SCAPER: variants seen among roughly 807,000 people sequenced by gnomAD.
SCAPER encodes S phase cyclin A-associated protein in the endoplasmic reticulum.
In SCAPER, 98 loss-of-function variants were observed where a neutral mutation model predicts 182.2. The observed-to-expected ratio is 0.54, with a 90% CI of 0.46 to 0.64. SCAPER has a LOEUF of 0.64. SCAPER is among the 30% of genes least tolerant of loss of function. SCAPER has a pLI of 0.00. For synonymous variants in SCAPER, 605 were observed against 564.6 expected (o/e 1.07, Z -1.01); for missense variants, 1,432 against 1,690.0 (o/e 0.85, Z 2.68).
At chr15:76,657,428 G>T (rs2055742604) in intron 21 of SCAPER, among the ~76,000 whole-genome samples, 2 of 151,728 alleles carry the variant, frequency 1.3e-5, no homozygotes, top group Non-Finnish European at 2.9e-5. Context: ...ACCAGAAAAA[G>T]CCCAGGACCA....
chr15:76,399,073 C>T (rs2044276293), intron 27 of SCAPER, among the ~76,000 whole-genome samples: 1 of 152,166 alleles, frequency 6.6e-6, no homozygotes, highest in African/African-American at 2.4e-5. Context: ...ATTTGAAAAC[C>T]ATTGTTTTCT....
intron 17 of SCAPER, among the ~76,000 whole-genome samples, chr15:76,709,427 C>A (rs1480407801): frequency 1.3e-5 from 2 of 152,182 alleles, no homozygotes; most frequent in African/African-American, 4.8e-5. Flanking sequence ...AGCCACCGCA[C>A]TCTGCCAAGA....
At chr15:76,757,462 AC>A (rs2062515190) in intron 14 of SCAPER, among the ~76,000 whole-genome samples, 3 of 151,908 alleles carry the variant, frequency 2.0e-5, no homozygotes, top group Admixed American at 2.0e-4. Context: ...ATATACACAC[AC>A]ACACACACAC....
chr15:76,611,415 G>A (rs533775678), intron 22 of SCAPER, among the ~76,000 whole-genome samples: 25 of 152,174 alleles, frequency 1.6e-4, no homozygotes, highest in African/African-American at 2.6e-4. Flanking sequence ...CCAATAATGA[G>A]TTCTGAAATT....
At chr15:76,557,999 C>A (rs1156323002) in intron 23 of SCAPER, among the ~76,000 whole-genome samples, 1 of 152,104 alleles carries the variant, frequency 6.6e-6, no homozygotes, top group Non-Finnish European at 1.5e-5. Flanking sequence ...AAAATCAATT[C>A]AAAATGGATT....
At chr15:76,404,431 C>A in intron 27 of SCAPER, 93 bp downstream of exon 27, 1 of 1,238,486 alleles carries the variant, frequency 8.1e-7, no homozygotes, top group Non-Finnish European at 1.1e-6. Context: ...CCAAGATGAC[C>A]ACTTGAATTC....
At chr15:76,722,369 G>A (rs1598371433) in intron 17 of SCAPER, among the ~76,000 whole-genome samples, 2 of 152,194 alleles carry the variant, frequency 1.3e-5, no homozygotes, top group South Asian at 2.1e-4. Flanking sequence ...GTTCATCAAG[G>A]ATATTGGTCT....
intron 20 of SCAPER, among the ~76,000 whole-genome samples, chr15:76,675,808 G>C (rs906141528): frequency 6.6e-6 from 1 of 151,946 alleles, no homozygotes; most frequent in African/African-American, 2.4e-5. Flanking sequence ...CTCAGGGGTG[G>C]GTAGTCCATT....
At chr15:76,567,826 T>C (rs1447782264) in intron 23 of SCAPER, among the ~76,000 whole-genome samples, 1 of 152,106 alleles carries the variant, frequency 6.6e-6, no homozygotes, top group African/African-American at 2.4e-5. Context: ...CTTGTCTTGC[T>C]ACCCTCTTCC....
chr15:76,590,476 T>A (rs903002359), intron 22 of SCAPER, among the ~76,000 whole-genome samples: 8 of 152,240 alleles, frequency 5.3e-5, no homozygotes, highest in East Asian at 3.9e-4. Context: ...GCCCAAAAAA[T>A]TTCATTTCTA....
Position 76,449,874 on chromosome 15 carries a change from T to C in SCAPER, c.3079-15564A>G, listed in dbSNP as rs114961990. ...CTGATCTTTACTTTGCTTATGACAC[T>C]TTGTTTTTAACATCCATGTCTTATC... is the stretch of plus-strand genomic sequence containing the variant. On this transcript the variant is annotated intron_variant, in intron 25 of 31. Coordinates refer to ENST00000563290, the MANE Select transcript of SCAPER (RefSeq NM_020843.4). Among the ~76,000 whole-genome samples, 1,243 of 152,358 alleles carry C rather than the reference T, an allele frequency of 8.2e-3. 12 individuals are homozygous for C. The highest frequency in any genetic ancestry group is 0.028 in the African/African-American group (1,179 of 41,584).
At chr15:76,672,573 A>AT (rs1409369146) in intron 20 of SCAPER, among the ~76,000 whole-genome samples, 26 of 152,184 alleles carry the variant, frequency 1.7e-4, no homozygotes, top group African/African-American at 6.3e-4. Context: ...CATTTAAGGA[A>AT]TAAAAACAAA....
At chr15:76,719,343 T>C (rs1251176189) in intron 17 of SCAPER, among the ~76,000 whole-genome samples, 2 of 152,054 alleles carry the variant, frequency 1.3e-5, no homozygotes, top group South Asian at 2.1e-4. Flanking sequence ...AAAAATTCAA[T>C]TATACAGAGA....
At chr15:76,881,095 T>C (rs933299192) in intron 2 of SCAPER, among the ~76,000 whole-genome samples, 1 of 152,186 alleles carries the variant, frequency 6.6e-6, no homozygotes, top group South Asian at 2.1e-4. Context: ...TACTATTTTA[T>C]TTATTTATTT....
chr15:76,690,674 C>A (rs1348722171), intron 20 of SCAPER, among the ~76,000 whole-genome samples: 1 of 151,936 alleles, frequency 6.6e-6, no homozygotes, highest in Non-Finnish European at 1.5e-5. Flanking sequence ...ATAAAGTTCA[C>A]TAGAAAAGAA....
At chr15:76,435,267 T>C (rs1451257613) in intron 25 of SCAPER, among the ~76,000 whole-genome samples, 1 of 152,198 alleles carries the variant, frequency 6.6e-6, no homozygotes, top group Non-Finnish European at 1.5e-5. Context: ...TAGTAATAGT[T>C]ATTGTTTTTT....
At chr15:76,828,531 C>A (rs1016438453) in intron 5 of SCAPER, among the ~76,000 whole-genome samples, 9 of 152,174 alleles carry the variant, frequency 5.9e-5, no homozygotes, top group African/African-American at 1.7e-4. Flanking sequence ...ATCTCTACAA[C>A]TTAAACACTC....
intron 8 of SCAPER, among the ~76,000 whole-genome samples, chr15:76,785,227 C>A (rs1277390429): frequency 6.6e-6 from 1 of 152,208 alleles, no homozygotes; most frequent in East Asian, 1.9e-4. Context: ...GATATGAACA[C>A]AGACACTTCT....
intron 22 of SCAPER, among the ~76,000 whole-genome samples, chr15:76,583,605 GC>G (rs972570641): frequency 2.7e-4 from 41 of 152,228 alleles, no homozygotes; most frequent in African/African-American, 8.9e-4. Flanking sequence ...TAAAAAATGG[GC>G]AAAAGATCTG....
Sources: gnomAD v4.1 joint callset for allele counts (sites outside exome capture counted in the v4.1 genomes callset) on GRCh38, gnomAD v4.1.1 for gene constraint, MANE v1.5 for transcripts, NCBI Gene and HGNC (gene_info 2026-07-23, HGNC 2026-07-21) for gene names.